The following TMEM268 variants were observed in gnomAD, a reference collection of about 807,000 sequenced individuals.
TMEM268 encodes transmembrane protein C9orf91.
A neutral mutation model predicts 39.1 loss-of-function variants in TMEM268; 24 were observed. The ratio of observed to expected loss-of-function variants is 0.61; its 90% CI spans 0.44 to 0.86. The LOEUF (loss-of-function observed/expected upper bound fraction) is 0.86, where lower values mean the gene tolerates loss of function less well. Ranked by LOEUF, TMEM268 falls within the 40% of genes least tolerant of loss-of-function variation. The pLI is 0.00. For synonymous variants in TMEM268, 176 were observed against 173.5 expected, an observed-to-expected ratio of 1.01 and a Z score of -0.12; for missense variants, 409 against 428.6, an observed-to-expected ratio of 0.95 and a Z score of 0.40.
At chr9:114,621,360 GA>G (rs1845940006) in intron 2 of TMEM268, among the ~76,000 whole-genome samples, 1 of 132,572 alleles carries the variant, frequency 7.5e-6, no homozygotes, top group East Asian at 2.2e-4. Flanking sequence ...AAAAAAAAAA[GA>G]AAAAGAACCT....
At position 114,619,213 on chromosome 9, in the gene TMEM268, T is replaced by G. The variant is rs538090491; in HGVS notation, c.106+1912T>G. The stretch of plus-strand genomic sequence containing the variant: ...TTTTTCTATCAGAACTTTGAAGACA[T>G]TGCTTCACTGATTTTTGGCACGTCA... On this transcript the variant is annotated intron_variant, in intron 2 of 8. Coordinates refer to ENST00000288502, the MANE Select transcript of TMEM268 (RefSeq NM_153045.4). Among the ~76,000 whole-genome samples, 19 of 152,292 alleles carry G rather than the reference T, an allele frequency of 1.2e-4. No individual in the cohort carries two copies. The East Asian group carries it at 3.3e-3, about 26-fold the overall frequency.
the TMEM268 span, among the ~76,000 whole-genome samples, chr9:114,604,222 T>C: frequency 6.6e-6 from 1 of 152,134 alleles, no homozygotes; most frequent in Non-Finnish European, 1.5e-5. Flanking sequence ...TCTCCCAAAT[T>C]GTAGAGTGAT....
intron 2 of TMEM268, among the ~76,000 whole-genome samples, chr9:114,618,613 A>T (rs979572297): frequency 3.3e-5 from 5 of 151,356 alleles, no homozygotes; most frequent in African/African-American, 1.2e-4. Flanking sequence ...CGGTGAGCCG[A>T]GATCACACCA....
chr9:114,608,412 C>T (rs1845394337), upstream of TMEM268, among the ~76,000 whole-genome samples: 1 of 152,204 alleles, frequency 6.6e-6, no homozygotes, highest in Admixed American at 6.5e-5. Context: ...CCAAAGGCCC[C>T]TGTCTTCTGT....
chr9:114,624,865 A>T (rs941871305), intron 3 of TMEM268, among the ~76,000 whole-genome samples: 4 of 152,254 alleles, frequency 2.6e-5, no homozygotes, highest in Non-Finnish European at 5.9e-5. Flanking sequence ...GGAAGAGGGC[A>T]GTGGTTGTGA....
upstream of TMEM268, among the ~76,000 whole-genome samples, chr9:114,608,180 C>T (rs1324077334): frequency 1.3e-5 from 2 of 152,230 alleles, no homozygotes; most frequent in African/African-American, 4.8e-5. Context: ...ACACTGGTGA[C>T]ATTTCAGAGA....
At position 114,615,752 on chromosome 9, in the gene TMEM268, C is replaced by T. The variant is rs188221610; in HGVS notation, c.-78-1366C>T. On this transcript the variant is annotated intron_variant, in intron 1 of 8. Coordinates refer to ENST00000288502, the MANE Select transcript of TMEM268 (RefSeq NM_153045.4). Reference sequence around the variant, plus strand: ...TCTCTCAGGCTGGAGTGCAGTGGCACGATCTCAGCTCACTGCAACCTCCGC... The same window carrying T: ...TCTCTCAGGCTGGAGTGCAGTGGCATGATCTCAGCTCACTGCAACCTCCGC... Among the ~76,000 whole-genome samples the T allele has an allele frequency of 3.5e-3, 540 of 152,180 alleles. 6 individuals carry two copies. Among genetic ancestry groups the T allele is most frequent in the African/African-American group, 0.012 (496 of 41,512 alleles).
At chr9:114,642,434 A>G (rs1275194399) in intron 8 of TMEM268, among the ~76,000 whole-genome samples, 1 of 152,028 alleles carries the variant, frequency 6.6e-6, no homozygotes, top group Non-Finnish European at 1.5e-5. Context: ...ACTTGTGTAA[A>G]GAAATCTACC....
At chr9:114,635,633 C>T (rs536511857) in intron 6 of TMEM268, among the ~76,000 whole-genome samples, 43 of 152,094 alleles carry the variant, frequency 2.8e-4, no homozygotes, top group Admixed American at 5.2e-4. Flanking sequence ...GAGCTGTGAT[C>T]GCGCCACTGC....
At chr9:114,629,881 G>T (rs1272359908) in intron 5 of TMEM268, among the ~76,000 whole-genome samples, 1 of 152,226 alleles carries the variant, frequency 6.6e-6, no homozygotes, top group African/African-American at 2.4e-5. Context: ...TTTGCCACAA[G>T]ACTGACAAAA....
At chr9:114,624,486 A>G in intron 3 of TMEM268, 27 bp downstream of exon 3, 1 of 1,551,934 alleles carries the variant, frequency 6.4e-7, no homozygotes, top group Non-Finnish European at 8.7e-7. Flanking sequence ...TTGAATCCCT[A>G]CCATTTTCTC....
chr9:114,621,923 A>G (rs1845961742), intron 2 of TMEM268, among the ~76,000 whole-genome samples: 1 of 152,154 alleles, frequency 6.6e-6, no homozygotes, highest in Admixed American at 6.5e-5. Context: ...AGCGATTGAA[A>G]GTTTTCTCAA....
At chr9:114,625,895 C>T (rs929106386) in intron 3 of TMEM268, among the ~76,000 whole-genome samples, 3 of 151,192 alleles carry the variant, frequency 2.0e-5, no homozygotes, top group Non-Finnish European at 4.4e-5. Flanking sequence ...GGTGTGATCT[C>T]GGCTCACTGC....
At chr9:114,607,817 G>A (rs1452673182), upstream of TMEM268, among the ~76,000 whole-genome samples, 1 of 152,210 alleles carries the variant, frequency 6.6e-6, no homozygotes, top group African/African-American at 2.4e-5. Context: ...CAGGTAGAAC[G>A]ATGGGGCTGG....
intron 1 of TMEM268, among the ~76,000 whole-genome samples, chr9:114,612,282 G>A (rs1845532174): frequency 6.6e-6 from 1 of 152,156 alleles, no homozygotes; most frequent in Non-Finnish European, 1.5e-5. Flanking sequence ...CTCTCTACGG[G>A]CTGAAAAAGA....
chr9:114,638,105 C>A (rs1846722299), intron 7 of TMEM268, among the ~76,000 whole-genome samples: 1 of 152,070 alleles, frequency 6.6e-6, no homozygotes, highest in African/African-American at 2.4e-5. Flanking sequence ...GCAGTGGCGC[C>A]ATCTTGACAC....
At position 114,638,596 on chromosome 9, in the gene TMEM268, T is replaced by C. The variant is rs1422869233; in HGVS notation, c.719T>C (p.Val240Ala). 3 of 1,607,818 alleles carry C rather than the reference T, an allele frequency of 1.9e-6. No homozygotes were observed. The highest frequency in any genetic ancestry group is 2.5e-6 in the Non-Finnish European group (3 of 1,177,552). ...SQLCVVMETG[V>A]SPATAEGPEN... ...TTGTGTGTTGTCATGGAGACTGGGG[T>C]GAGCCCTGCAACAGCGGAGGGGCCT... The change falls in exon 8 of 9, where the codon GTG becomes GCG. Residue 240 changes from valine to alanine, a missense_variant. Val to Ala is a moderately conservative substitution (Grantham distance 64). Transcript: ENST00000288502.
intron 3 of TMEM268, 86 bp from the exon 4 acceptor site, chr9:114,626,813 C>T (rs986909875): frequency 2.3e-5 from 23 of 998,686 alleles, no homozygotes; most frequent in Admixed American, 1.2e-4. Context: ...CAGAATGTGC[C>T]TAATCCCCCT....
intron 2 of TMEM268, among the ~76,000 whole-genome samples, chr9:114,618,380 C>T (rs1174006677): frequency 6.6e-6 from 1 of 152,040 alleles, no homozygotes; most frequent in East Asian, 1.9e-4. Context: ...ATCCATCAGA[C>T]ATGGTGGCTC....
Sources: allele counts gnomAD v4.1 joint callset (sites outside exome capture counted in the v4.1 genomes callset), GRCh38; gene constraint gnomAD v4.1.1; transcripts MANE v1.5; gene names NCBI Gene and HGNC (gene_info 2026-07-23, HGNC 2026-07-21).